Variants in PXDN observed in about 807,000 individuals in gnomAD.
The protein encoded by PXDN is peroxidasin homolog.
A neutral mutation model predicts 140.3 loss-of-function variants in PXDN; 77 were observed. The observed-to-expected ratio is 0.55, with a 90% CI of 0.46 to 0.66. The LOEUF (loss-of-function observed/expected upper bound fraction) is 0.66. Ranked by LOEUF, PXDN falls within the 30% of genes least tolerant of loss-of-function variation. PXDN has a pLI of 0.00. For missense variants in PXDN, 1,838 were observed against 2,039.5 expected (o/e 0.90, Z 1.90); for synonymous variants, 911 against 857.4 (o/e 1.06, Z -1.09).
intron 1 of PXDN, among the ~76,000 whole-genome samples, chr2:1,743,133 G>A (rs78215309): frequency 0.028 from 4,279 of 152,316 alleles, 203 homozygotes; most frequent in African/African-American, 0.098. Context: ...GAACACAGGA[G>A]GCCTGCAGCG....
At chr2:1,744,036 G>T (rs1334217140) in intron 1 of PXDN, among the ~76,000 whole-genome samples, 1 of 152,048 alleles carries the variant, frequency 6.6e-6, no homozygotes, top group Admixed American at 6.5e-5. Context: ...TCCGCCCCTC[G>T]GCGTCTCCCG....
At chr2:1,734,674 C>G (rs943121922) in intron 1 of PXDN, among the ~76,000 whole-genome samples, 4 of 152,116 alleles carry the variant, frequency 2.6e-5, no homozygotes, top group Admixed American at 6.6e-5. Context: ...TGAGACTGTT[C>G]TGGCCAACAT....
intron 1 of PXDN, among the ~76,000 whole-genome samples, chr2:1,719,825 A>T (rs1193397920): frequency 7.1e-6 from 1 of 140,458 alleles, no homozygotes. Context: ...ATGTGTGTAC[A>T]TGCGTGCATT....
At chr2:1,716,940 G>A (rs911127008) in intron 1 of PXDN, among the ~76,000 whole-genome samples, 3 of 152,162 alleles carry the variant, frequency 2.0e-5, no homozygotes, top group South Asian at 2.1e-4. Flanking sequence ...AAAAGAAGGC[G>A]TCACTAGCCT....
In PXDN at chr2:1,683,001, G is replaced by A. The variant is rs147328671; in HGVS notation, c.560+655C>T. Among the ~76,000 whole-genome samples the A allele has an allele frequency of 3.0e-3, 459 of 152,246 alleles. 1 individual carries two copies. Among genetic ancestry groups the A allele is most frequent in the African/African-American group, 0.01 (427 of 41,520 alleles). Reference sequence around the variant, plus strand: ...GTAGAAAGACACAGAATATAGCACAGAGGTTCTTTCCACACTGGTTTTATT... The same window carrying A: ...GTAGAAAGACACAGAATATAGCACAAAGGTTCTTTCCACACTGGTTTTATT... On this transcript the variant is annotated intron_variant, in intron 6 of 22. Transcript: ENST00000252804.
intron 1 of PXDN, among the ~76,000 whole-genome samples, chr2:1,721,288 T>C (rs1685046157): frequency 6.6e-6 from 1 of 152,102 alleles, no homozygotes; most frequent in Non-Finnish European, 1.5e-5. Flanking sequence ...CTTAGAAGTG[T>C]CAGAATTCAA....
intron 16 of PXDN, 57 bp downstream of exon 16, chr2:1,653,571 C>T (rs780048134): frequency 5.4e-5 from 85 of 1,586,760 alleles, no homozygotes; most frequent in East Asian, 4.5e-5. Context: ...TTAACTGAGG[C>T]GTGTTCAACC....
intron 8 of PXDN, among the ~76,000 whole-genome samples, chr2:1,675,867 G>A (rs529040100): frequency 2.0e-5 from 3 of 150,826 alleles, no homozygotes; most frequent in African/African-American, 7.3e-5. Context: ...CATCCCTCTT[G>A]CTGCCTCATG....
chr2:1,711,632 G>GCACCCACT (rs1684788139), intron 1 of PXDN, among the ~76,000 whole-genome samples: 30 of 52,890 alleles, frequency 5.7e-4, no homozygotes, highest in Non-Finnish European at 8.1e-4. Flanking sequence ...ACCAGCACCC[G>GCACCCACT]CTCCACCAGC....
At chr2:1,743,223 G>GGCCCGCAGGACA (rs1456974859) in intron 1 of PXDN, among the ~76,000 whole-genome samples, 14 of 152,236 alleles carry the variant, frequency 9.2e-5, no homozygotes, top group African/African-American at 3.1e-4. Flanking sequence ...GACGCGGGAC[G>GGCCCGCAGGACA]GCCCGCAGGA....
At chr2:1,705,234 C>A (rs1049979571) in intron 1 of PXDN, among the ~76,000 whole-genome samples, 11 of 152,090 alleles carry the variant, frequency 7.2e-5, no homozygotes, top group Admixed American at 6.5e-4. Context: ...AGAGGCAGAC[C>A]GGCTCAGTTC....
chr2:1,638,657 A>G (rs112141870), intron 21 of PXDN, among the ~76,000 whole-genome samples, 189 bp downstream of exon 21: 4 of 152,200 alleles, frequency 2.6e-5, no homozygotes, highest in African/African-American at 9.6e-5. Context: ...AAACCCAGGG[A>G]CACCAGTGGC....
chr2:1,658,753 C>T (rs1278624161), intron 14 of PXDN, among the ~76,000 whole-genome samples: 1 of 145,856 alleles, frequency 6.9e-6, no homozygotes, highest in East Asian at 2.1e-4. Context: ...CTGTGCTCCC[C>T]ACCCCCCGGC....
chr2:1,700,668 G>T (rs905938402), intron 1 of PXDN, among the ~76,000 whole-genome samples: 4 of 152,036 alleles, frequency 2.6e-5, no homozygotes, highest in African/African-American at 9.7e-5. Context: ...GAGGTCAGGA[G>T]TTCGAGACCA....
intron 1 of PXDN, among the ~76,000 whole-genome samples, chr2:1,722,774 G>A (rs1436573825): frequency 1.3e-5 from 2 of 152,246 alleles, no homozygotes; most frequent in Non-Finnish European, 2.9e-5. Context: ...CGAGGAAGCA[G>A]GGACAGGGCT....
intron 1 of PXDN, among the ~76,000 whole-genome samples, chr2:1,730,569 G>A (rs1025363499): frequency 2.0e-5 from 3 of 152,178 alleles, no homozygotes; most frequent in Non-Finnish European, 2.9e-5. Context: ...AGGGTATGGC[G>A]GACGGCCCAG....
chr2:1,682,451 T>C (rs1429796887), intron 6 of PXDN, among the ~76,000 whole-genome samples: 2 of 152,200 alleles, frequency 1.3e-5, no homozygotes, highest in African/African-American at 4.8e-5. Context: ...GAGTTAGGCT[T>C]GTCTCTTGGC....
In PXDN at chr2:1,663,928, T is replaced by C. The variant is rs1386876158; in HGVS notation, c.1409-165A>G. 12 of 742,134 alleles carry C rather than the reference T, an allele frequency of 1.6e-5. No individual in the cohort carries two copies. In the South Asian group the frequency reaches 1.8e-4, roughly 11 times the overall value. 46.0% of individuals were successfully genotyped at this position (742,134 alleles called of 1,614,324 possible). The stretch of plus-strand genomic sequence containing the variant: ...ATCTTTGCCTCCCCAGCAGACACCA[T>C]GGTGACACCTGAACGTCCCTGCACC... On this transcript the variant is annotated intron_variant, in intron 11 of 22. Coordinates refer to ENST00000252804, the MANE Select transcript of PXDN (RefSeq NM_012293.3).
At position 1,651,058 on chromosome 2, in the gene PXDN, C is replaced by T. The variant is rs183562758; in HGVS notation, c.2105-1383G>A. On this transcript the variant is annotated intron_variant, in intron 16 of 22. Coordinates refer to ENST00000252804, the MANE Select transcript of PXDN (RefSeq NM_012293.3). The surrounding 1 kb of genome is among the most constrained non-coding windows in gnomAD (Gnocchi z 4.4). ...AAGGTCTGTGCAGGGAACATGAACC[C>T]CGGGCTCCCCTCAGCCCCTGGTTCT... Among the ~76,000 whole-genome samples the T allele has an allele frequency of 6.6e-6, 1 of 152,182 alleles. No individual in the cohort carries two copies.
Sources: gnomAD v4.1 joint callset for allele counts (sites outside exome capture counted in the v4.1 genomes callset) on GRCh38, gnomAD v4.1.1 for gene constraint, Gnocchi (gnomAD v3.1) non-coding constraint, MANE v1.5 for transcripts, NCBI Gene and HGNC (gene_info 2026-07-23, HGNC 2026-07-21) for gene names.